Variants in SLC22A16 observed in about 807,000 individuals in gnomAD.
The protein encoded by SLC22A16 is WUGSC:RG331P03.1.
A neutral mutation model predicts 52.9 loss-of-function variants in SLC22A16; 53 were observed. The ratio of observed to expected loss-of-function variants is 1.00; its 90% CI spans 0.80 to 1.26. SLC22A16 has a LOEUF of 1.26. Among genes scored for constraint, SLC22A16 ranks in the 50% most tolerant of loss-of-function variants. The probability of loss-of-function intolerance (pLI) is 0.00; values close to 1 mark genes in which losing one functional copy is unlikely to be tolerated. For missense variants in SLC22A16, 726 were observed against 704.0 expected (o/e 1.03, Z -0.35); for synonymous variants, 291 against 268.8 (o/e 1.08, Z -0.81).
chr6:110,427,692 G>T (rs1404964233), intron 7 of SLC22A16, among the ~76,000 whole-genome samples: 2 of 152,200 alleles, frequency 1.3e-5, no homozygotes, highest in African/African-American at 2.4e-5. Flanking sequence ...TAGAGACGGG[G>T]TGTCGCCATA....
intron 1 of SLC22A16, among the ~76,000 whole-genome samples, chr6:110,467,707 C>G (rs1202812668): frequency 3.3e-5 from 5 of 152,204 alleles, no homozygotes; most frequent in Non-Finnish European, 7.3e-5. Flanking sequence ...TATGTGTGCA[C>G]AGATGTGCAT....
intron 2 of SLC22A16, chr6:110,455,714 C>T (rs1775623452): frequency 6.6e-6 from 1 of 152,126 alleles, no homozygotes; most frequent in South Asian, 2.1e-4. Context: ...CATGTTGAAA[C>T]TTAATCTCCA....
At chr6:110,472,378 T>C (rs1486388940) in intron 1 of SLC22A16, among the ~76,000 whole-genome samples, 1 of 152,106 alleles carries the variant, frequency 6.6e-6, no homozygotes. Context: ...CCCCACTCGC[T>C]GCCCCTCCAA....
rs192573245 is a variant in SLC22A16 at position 110,468,577 on chromosome 6, C to T, written c.53+7945G>A. Among the ~76,000 whole-genome samples, 13 of 147,712 alleles carry T rather than the reference C, an allele frequency of 8.8e-5. No homozygotes were observed. In the East Asian group the frequency reaches 2.2e-3, roughly 25 times the overall value. ...AGGAGAATTGCTTGAATCTGGGAGG[C>T]GGAGGTTTCAGTCAGCCAAGATCAC... On this transcript the variant is annotated intron_variant, in intron 1 of 7. Coordinates refer to ENST00000368919, the MANE Select transcript of SLC22A16 (RefSeq NM_033125.4).
At chr6:110,430,487 G>T (rs1262274476) in intron 7 of SLC22A16, among the ~76,000 whole-genome samples, 2 of 152,044 alleles carry the variant, frequency 1.3e-5, no homozygotes, top group Non-Finnish European at 2.9e-5. Flanking sequence ...GCACTGGAGG[G>T]GAGGGAGAGG....
At chr6:110,451,422 G>A (rs185768904) in intron 2 of SLC22A16, among the ~76,000 whole-genome samples, 3 of 152,266 alleles carry the variant, frequency 2.0e-5, no homozygotes, top group Admixed American at 2.0e-4. Flanking sequence ...ATTCACACCA[G>A]CAGGATGAGA....
intron 7 of SLC22A16, among the ~76,000 whole-genome samples, chr6:110,428,417 A>G (rs1194333115): frequency 6.6e-6 from 1 of 152,194 alleles, no homozygotes; most frequent in Admixed American, 6.5e-5. Flanking sequence ...CTCTGTGCTC[A>G]CTTTTGTATA....
intron 1 of SLC22A16, among the ~76,000 whole-genome samples, chr6:110,470,357 G>A (rs77447190): frequency 6.6e-6 from 1 of 152,122 alleles, no homozygotes; most frequent in Non-Finnish European, 1.5e-5. Context: ...GCAAACAGCA[G>A]GCATGTTTAA....
At chr6:110,453,679 C>G (rs1338990192) in intron 2 of SLC22A16, 1 of 456,044 alleles carries the variant, frequency 2.2e-6, no homozygotes, top group Non-Finnish European at 4.4e-6. Context: ...TTGTACCAAG[C>G]AGTTAGGAAG....
chr6:110,430,418 G>A (rs1296837599), intron 7 of SLC22A16, among the ~76,000 whole-genome samples: 1 of 151,978 alleles, frequency 6.6e-6, no homozygotes, highest in African/African-American at 2.4e-5. Flanking sequence ...GGGCGGGGAG[G>A]AGGCTGGGAG....
At chr6:110,456,341 T>C (rs1775650263) in intron 2 of SLC22A16, 197 bp downstream of exon 2, 3 of 707,008 alleles carry the variant, frequency 4.2e-6, no homozygotes, top group South Asian at 4.6e-5. Flanking sequence ...AGAACCAGGA[T>C]TTGGATCTAG....
intron 7 of SLC22A16, among the ~76,000 whole-genome samples, chr6:110,429,964 A>G (rs78172330): frequency 6.6e-6 from 1 of 151,802 alleles, no homozygotes; most frequent in African/African-American, 2.4e-5. Flanking sequence ...TCTGGAGAGG[A>G]GGGGAAGCTG....
At chr6:110,472,388 A>G (rs1776290067) in intron 1 of SLC22A16, among the ~76,000 whole-genome samples, 1 of 151,916 alleles carries the variant, frequency 6.6e-6, no homozygotes, top group South Asian at 2.1e-4. Context: ...TGCCCCTCCA[A>G]TCCACCCTCT....
chr6:110,446,925 G>A lies in SLC22A16; in HGVS notation c.599C>T (p.Ala200Val), dbSNP rs61729086. 5,715 of 1,613,794 alleles carry A rather than the reference G, an allele frequency of 3.5e-3. 25 individuals carry two copies. Among genetic ancestry groups the A allele is most frequent in the Admixed American group, 0.013 (766 of 59,982 alleles). ...SSMFLFGIAA[A>V]FAVDYYTFMA... ...GAAGGTGTAATAATCAACTGCAAACGCCGCTGCTATTCCAAACAAAAACAT... is the reference window on the plus strand; with the variant it reads ...GAAGGTGTAATAATCAACTGCAAACACCGCTGCTATTCCAAACAAAAACAT... The change falls in exon 3 of 8, where the codon GCG (alanine) becomes GTG (valine). Residue 200 changes from alanine (A) to valine (V), a missense_variant. Ala to Val is a moderately conservative substitution (Grantham distance 64, BLOSUM62 0). Coordinates refer to ENST00000368919, the MANE Select transcript of SLC22A16 (RefSeq NM_033125.4).
At chr6:110,428,060 AC>A (rs1192736184) in intron 7 of SLC22A16, among the ~76,000 whole-genome samples, 1 of 136,246 alleles carries the variant, frequency 7.3e-6, no homozygotes, top group Non-Finnish European at 1.5e-5. Flanking sequence ...TTACGTGTCC[AC>A]CTTTTTTAGA....
At chr6:110,425,428 C>T (rs1454925561) in intron 7 of SLC22A16, 1 of 1,310,444 alleles carries the variant, frequency 7.6e-7, no homozygotes, top group African/African-American at 1.5e-5. Flanking sequence ...TTTCCAGACC[C>T]CAGAATCTTG....
chr6:110,440,546 G>C (rs1463795931), intron 4 of SLC22A16, among the ~76,000 whole-genome samples: 1 of 152,246 alleles, frequency 6.6e-6, no homozygotes, highest in Non-Finnish European at 1.5e-5. Context: ...GGGAGGCCAA[G>C]GCGGGTGGAT....
At chr6:110,476,182 A>T in intron 1 of SLC22A16, 1 of 491,702 alleles carries the variant, frequency 2.0e-6, no homozygotes, top group Non-Finnish European at 3.4e-6. Flanking sequence ...GGCACCCCCT[A>T]CGAGTGAGAT....
intron 1 of SLC22A16, chr6:110,475,085 G>A: frequency 2.2e-6 from 1 of 457,106 alleles, no homozygotes; most frequent in South Asian, 1.6e-5. Flanking sequence ...TAGTTAATGT[G>A]TGGTAGCGCC....
Sources: allele counts gnomAD v4.1 joint callset (sites outside exome capture counted in the v4.1 genomes callset), GRCh38; gene constraint gnomAD v4.1.1; transcripts MANE v1.5; gene names NCBI Gene and HGNC (gene_info 2026-07-23, HGNC 2026-07-21).